Variants in MRTFA observed in about 807,000 individuals in gnomAD.
MRTFA encodes the protein myocardin-related transcription factor A.
MRTFA carries 20 observed loss-of-function variants against 83.5 expected under a neutral mutation model. The ratio of observed to expected loss-of-function variants is 0.24; its 90% CI spans 0.17 to 0.35. The LOEUF (loss-of-function observed/expected upper bound fraction) is 0.35. Among genes scored for constraint, MRTFA ranks in the 10% least tolerant of loss-of-function variants. The pLI is 1.00. For missense variants in MRTFA, 1,200 were observed against 1,224.7 expected, an observed-to-expected ratio of 0.98 and a Z score of 0.30; for synonymous variants, 659 against 541.2, an observed-to-expected ratio of 1.22 and a Z score of -3.02.
chr22:40,552,500 G>A (rs764426089), intron 2 of MRTFA, 133 bp from the exon 3 acceptor site: 12 of 381,620 alleles, frequency 3.1e-5, no homozygotes, highest in Non-Finnish European at 1.9e-5. Flanking sequence ...CTTGGTGGCA[G>A]GTAACTGAAT....
At chr22:40,511,183 A>G (rs1365670741) in intron 3 of MRTFA, among the ~76,000 whole-genome samples, 1 of 152,206 alleles carries the variant, frequency 6.6e-6, no homozygotes, top group East Asian at 1.9e-4. Flanking sequence ...AATGCTGACA[A>G]TATGATATAG....
intron 6 of MRTFA, 43 bp from the exon 7 acceptor site, chr22:40,429,810 G>A (rs1106673): frequency 0.1 from 155,314 of 1,555,758 alleles, 8,851 homozygotes; most frequent in East Asian, 0.26. Flanking sequence ...TATATGAGTG[G>A]ACGTGGTTCT....
At chr22:40,550,151 G>A (rs2055423412) in intron 3 of MRTFA, among the ~76,000 whole-genome samples, 1 of 150,702 alleles carries the variant, frequency 6.6e-6, no homozygotes, top group Non-Finnish European at 1.5e-5. Context: ...TAAGAGATGG[G>A]CACGCAGGTA....
intron 3 of MRTFA, among the ~76,000 whole-genome samples, chr22:40,469,219 A>G (rs966464934): frequency 6.6e-6 from 1 of 152,192 alleles, no homozygotes; most frequent in Non-Finnish European, 1.5e-5. Flanking sequence ...TCATGCTGAG[A>G]TATGATCCCC....
chr22:40,457,427 A>T (rs1308577354), intron 4 of MRTFA, among the ~76,000 whole-genome samples: 1 of 109,104 alleles, frequency 9.2e-6, no homozygotes. Context: ...ACAGAATGAA[A>T]GAAAGAAAGA....
chr22:40,612,687 C>T (rs1243243479), intron 1 of MRTFA, among the ~76,000 whole-genome samples: 1 of 152,176 alleles, frequency 6.6e-6, no homozygotes, highest in African/African-American at 2.4e-5. Context: ...GTGACTCACA[C>T]CTGTAATCCT....
intron 3 of MRTFA, among the ~76,000 whole-genome samples, chr22:40,525,582 A>G (rs1034198707): frequency 4.6e-5 from 7 of 152,236 alleles, no homozygotes. Context: ...GGGAAATTAC[A>G]TTTTAGTATA....
intron 3 of MRTFA, chr22:40,519,405 C>A (rs2147255857): frequency 7.5e-7 from 1 of 1,325,228 alleles, no homozygotes; most frequent in Non-Finnish European, 1.0e-6. Flanking sequence ...AGTCAGCTCA[C>A]TTCTTGGAAA....
chr22:40,588,295 G>A (rs553710169), intron 2 of MRTFA, among the ~76,000 whole-genome samples: 5 of 152,244 alleles, frequency 3.3e-5, no homozygotes, highest in South Asian at 4.1e-4. Context: ...CCAAAGTGCT[G>A]GGATTACAGG....
chr22:40,599,838 G>A (rs780583735), intron 1 of MRTFA, among the ~76,000 whole-genome samples: 49 of 151,644 alleles, frequency 3.2e-4, no homozygotes, highest in African/African-American at 1.1e-3. Context: ...GGTTGAGGCC[G>A]CAGCGAGCTA....
chr22:40,604,647 T>C (rs2056298337), intron 1 of MRTFA, among the ~76,000 whole-genome samples: 1 of 151,946 alleles, frequency 6.6e-6, no homozygotes, highest in African/African-American at 2.4e-5. Flanking sequence ...CTCAGGAGGC[T>C]GAGGCAGGAG....
intron 3 of MRTFA, among the ~76,000 whole-genome samples, chr22:40,467,721 A>T (rs2053832970): frequency 6.6e-6 from 1 of 152,070 alleles, no homozygotes; most frequent in Admixed American, 6.6e-5. Context: ...AGGAATTTTG[A>T]CATCTTTCTA....
chr22:40,495,702 T>C (rs1185076454), intron 3 of MRTFA, among the ~76,000 whole-genome samples: 1 of 139,892 alleles, frequency 7.1e-6, no homozygotes, highest in Non-Finnish European at 1.5e-5. Context: ...GAGGTTGCAG[T>C]GAGCCGAGAT....
Position 40,447,231 on chromosome 22 carries a change from A to G in MRTFA, c.308-11677T>C, listed in dbSNP as rs781012248. ...ATTAGGCATGGTGGCGCGCACCTGTAGTCCGATCTATTTGGGGGAGCCGAG... is the reference window on the plus strand; with the variant it reads ...ATTAGGCATGGTGGCGCGCACCTGTGGTCCGATCTATTTGGGGGAGCCGAG... On this transcript the variant is annotated intron_variant, in intron 4 of 14. Coordinates refer to ENST00000355630, the MANE Select transcript of MRTFA (RefSeq NM_020831.6). 7.5e-4 allele frequency among the ~76,000 whole-genome samples: 114 copies of G among 151,966 alleles called. 1 individual carries two copies. The highest frequency in any genetic ancestry group is 1.5e-4 in the Non-Finnish European group (10 of 67,982).
At chr22:40,597,998 T>C (rs2147389495) in intron 1 of MRTFA, among the ~76,000 whole-genome samples, 1 of 152,286 alleles carries the variant, frequency 6.6e-6, no homozygotes, top group South Asian at 2.1e-4. Context: ...TCTTTTAGTC[T>C]CAGGAAAAGG....
chr22:40,607,503 C>CA (rs369102921), intron 1 of MRTFA, among the ~76,000 whole-genome samples: 41,048 of 101,754 alleles, frequency 0.4, 6,816 homozygotes, highest in East Asian at 0.67. Context: ...GACTCCGTCT[C>CA]AAAAAAAAAA....
In MRTFA at chr22:40,435,570, C is replaced by T. The variant is rs760843247; in HGVS notation, c.308-16G>A. On this transcript the variant is annotated splice_polypyrimidine_tract_variant and intron_variant, in intron 4 of 14. Coordinates refer to ENST00000355630, the MANE Select transcript of MRTFA (RefSeq NM_020831.6). ...CTTTTCAAAGCTGTTGAGAGAAGAACCGTAAAGATTACCTTCAAGCGAAGC... is the reference window on the plus strand; with the variant it reads ...CTTTTCAAAGCTGTTGAGAGAAGAATCGTAAAGATTACCTTCAAGCGAAGC... The T allele has an allele frequency of 1.2e-6, 2 of 1,613,926 alleles. No homozygotes were observed. Among genetic ancestry groups the T allele is most frequent in the Non-Finnish European group, 8.5e-7 (1 of 1,179,808 alleles).
chr22:40,431,628 G>T, intron 5 of MRTFA, 148 bp from the exon 6 acceptor site: 1 of 725,370 alleles, frequency 1.4e-6, no homozygotes, highest in Non-Finnish European at 2.4e-6. Context: ...GGGTTCGGAG[G>T]CAAGAGTAGG....
intron 3 of MRTFA, among the ~76,000 whole-genome samples, chr22:40,514,956 T>C (rs145874847): frequency 0.013 from 2,023 of 151,294 alleles, 31 homozygotes; most frequent in African/African-American, 0.046. Flanking sequence ...TCGCCCAGGC[T>C]GGAGTGCAGT....
Sources: gnomAD v4.1 joint callset for allele counts (sites outside exome capture counted in the v4.1 genomes callset) on GRCh38, gnomAD v4.1.1 for gene constraint, MANE v1.5 for transcripts, NCBI Gene and HGNC (gene_info 2026-07-23, HGNC 2026-07-21) for gene names.